Variants in PPP2R1B observed in about 807,000 individuals in gnomAD.
PPP2R1B encodes the protein protein phosphatase 2 scaffold subunit Abeta, also known as serine/threonine-protein phosphatase 2A 65 kDa regulatory subunit A beta isoform.
PPP2R1B carries 58 observed loss-of-function variants against 72.7 expected under a neutral mutation model. The observed-to-expected ratio is 0.80, with a 90% CI of 0.65 to 0.99. The LOEUF (loss-of-function observed/expected upper bound fraction) is 0.99, where lower values mean the gene tolerates loss of function less well. Among genes scored for constraint, PPP2R1B ranks in the 50% least tolerant of loss-of-function variants. The pLI, the probability that PPP2R1B is intolerant of heterozygous loss-of-function variation, is 0.00. For missense variants in PPP2R1B, 695 were observed against 733.6 expected (o/e 0.95, Z 0.61); for synonymous variants, 256 against 264.6 (o/e 0.97, Z 0.32).
chr11:111,760,852 C>G lies in PPP2R1B; in HGVS notation c.506G>C (p.Arg169Thr), dbSNP rs1945296825. 1 of 1,614,140 alleles carries G rather than the reference C, an allele frequency of 6.2e-7. No individual in the cohort carries two copies. Among genetic ancestry groups the G allele is most frequent in the Non-Finnish European group, 8.5e-7 (1 of 1,180,026 alleles). ...TTCTGCTTTAACAGCATTTGATGCC[C>G]TGGGATAGCAAACGCTGAACAAACC... is the stretch of plus-strand genomic sequence containing the variant. ...ACGLFSVCYPRASNAVKAEIR... is the reference protein window; with the variant it reads ...ACGLFSVCYPTASNAVKAEIR... The change falls in exon 4 of 15, where the codon AGG becomes ACG. Residue 169 changes from arginine to threonine, a missense_variant. Coordinates refer to ENST00000527614, the MANE Select transcript of PPP2R1B (RefSeq NM_002716.5).
At chr11:111,723,608 C>T (rs1212336762), downstream of PPP2R1B, 2 of 1,613,830 alleles carry the variant, frequency 1.2e-6, no homozygotes, top group Non-Finnish European at 1.7e-6. Context: ...GCTGCCCCTT[C>T]CCCGCCAGGA....
intron 15 of PPP2R1B, among the ~76,000 whole-genome samples, chr11:111,732,676 G>C (rs998888289): frequency 6.6e-6 from 1 of 152,182 alleles, no homozygotes; most frequent in Non-Finnish European, 1.5e-5. Context: ...GAGCGACACA[G>C]CAAGACTTCA....
intron 5 of PPP2R1B, 128 bp from the exon 6 acceptor site, chr11:111,755,578 T>C (rs1555049406): frequency 1.2e-6 from 1 of 813,342 alleles, no homozygotes; most frequent in Non-Finnish European, 1.7e-6. Flanking sequence ...TTTCACGTCT[T>C]GACATCTTTT....
chr11:111,749,391 C>G (rs1228351919), intron 10 of PPP2R1B, among the ~76,000 whole-genome samples: 1 of 152,076 alleles, frequency 6.6e-6, no homozygotes, highest in Non-Finnish European at 1.5e-5. Context: ...TCAAGCAATT[C>G]TCCTGCCTCA....
chr11:111,734,791 C>A (rs1015034032), downstream of PPP2R1B, among the ~76,000 whole-genome samples: 1 of 152,222 alleles, frequency 6.6e-6, no homozygotes, highest in Admixed American at 6.5e-5. Flanking sequence ...TCACACACTC[C>A]CAGCAGAGCT....
chr11:111,756,223 G>GA (rs201724599), intron 5 of PPP2R1B, among the ~76,000 whole-genome samples: 136,673 of 142,192 alleles, frequency 0.96, 65,676 homozygotes, highest in East Asian at 0.99. Flanking sequence ...AAACAAAAAG[G>GA]AAAAAAAAAA....
At chr11:111,688,243 G>A in the PPP2R1B span, 12 of 1,411,794 alleles carry the variant, frequency 8.5e-6, no homozygotes, top group Non-Finnish European at 7.9e-6. This position sits in a 1 kb window ranked among gnomAD's most constrained non-coding sequence, Gnocchi z 4.2. Context: ...TGCAGGCGCA[G>A]ATTCAGCAGC....
At chr11:111,688,357 C>G in the PPP2R1B span, among the ~76,000 whole-genome samples, 1 of 152,180 alleles carries the variant, frequency 6.6e-6, no homozygotes, top group Non-Finnish European at 1.5e-5. This position sits in a 1 kb window ranked among gnomAD's most constrained non-coding sequence, Gnocchi z 4.2. Context: ...TTAATATACA[C>G]AGGTCAGAGC....
chr11:111,735,026 G>A (rs1175805778), downstream of PPP2R1B, among the ~76,000 whole-genome samples: 1 of 152,258 alleles, frequency 6.6e-6, no homozygotes, highest in African/African-American at 2.4e-5. Flanking sequence ...ACAAGTCAGA[G>A]ACCCTCAGGG....
the PPP2R1B span, among the ~76,000 whole-genome samples, chr11:111,714,054 A>T: frequency 6.6e-6 from 1 of 152,216 alleles, no homozygotes; most frequent in South Asian, 2.1e-4. Context: ...CTGTTTGATC[A>T]GGAAAGTCCG....
intron 7 of PPP2R1B, among the ~76,000 whole-genome samples, 168 bp from the exon 8 acceptor site, chr11:111,754,737 T>C (rs72983269): frequency 9.8e-4 from 149 of 152,310 alleles, no homozygotes; most frequent in Non-Finnish European, 1.8e-3. Flanking sequence ...CTCTATGCCA[T>C]TGCATATCAC....
At chr11:111,756,163 C>A (rs566724256) in intron 5 of PPP2R1B, among the ~76,000 whole-genome samples, 14 of 150,302 alleles carry the variant, frequency 9.3e-5, no homozygotes, top group Non-Finnish European at 1.9e-4. Flanking sequence ...TGAGCCGAGA[C>A]TGCACCACTG....
chr11:111,723,420 C>A, downstream of PPP2R1B: 1 of 1,437,630 alleles, frequency 7.0e-7, no homozygotes, highest in Non-Finnish European at 9.4e-7. Flanking sequence ...AAGCTAGTGA[C>A]TGGTATTGCA....
the PPP2R1B span, among the ~76,000 whole-genome samples, chr11:111,704,400 G>A: frequency 6.6e-6 from 1 of 152,176 alleles, no homozygotes; most frequent in South Asian, 2.1e-4. Flanking sequence ...GAACATTTGG[G>A]AAGCAACTTT....
At chr11:111,714,673 A>G in the PPP2R1B span, among the ~76,000 whole-genome samples, 1 of 152,314 alleles carries the variant, frequency 6.6e-6, no homozygotes, top group African/African-American at 2.4e-5. Context: ...ATTTTCAGAA[A>G]TGGAGAACTA....
intron 13 of PPP2R1B, 170 bp from the exon 14 acceptor site, chr11:111,742,314 C>CG: frequency 1.5e-6 from 1 of 680,728 alleles, no homozygotes; most frequent in African/African-American, 2.0e-5. Flanking sequence ...GCAAAATCAG[C>CG]TTCAGACAAG....
chr11:111,765,194 G>A (rs1487881780), intron 2 of PPP2R1B, 100 bp downstream of exon 2: 26 of 1,233,344 alleles, frequency 2.1e-5, no homozygotes, highest in Non-Finnish European at 2.3e-5. Context: ...AAAAACACCT[G>A]GCTCATTTTA....
the PPP2R1B span, chr11:111,720,403 T>G: frequency 7.0e-7 from 1 of 1,419,128 alleles, no homozygotes; most frequent in Non-Finnish European, 9.5e-7. Context: ...AAACTCAAGC[T>G]GGTTATGCTT....
rs1944472491 is a variant in PPP2R1B, at chr11:111,740,223, G to C, written c.*1373C>G. 6 of 984,816 alleles carry C rather than the reference G, an allele frequency of 6.1e-6. No homozygotes were observed. In the South Asian group the frequency reaches 2.8e-4, roughly 46 times the overall value. The allele number at this position is 984,816 out of a possible 1,614,324, so 61.0% of individuals were successfully genotyped here. A position where few individuals can be genotyped will look rare whatever the true frequency, so the allele number is the denominator to read the frequency against. On this transcript the variant is annotated 3_prime_UTR_variant, in exon 15 of 15. Transcript: ENST00000527614. ...GGTGAGTTTGATTATGTGAAAAATA[G>C]TTGTTTTTTTTTGAGATGGACTCTC...
Sources: gnomAD v4.1 joint callset for allele counts (sites outside exome capture counted in the v4.1 genomes callset) on GRCh38, gnomAD v4.1.1 for gene constraint, Gnocchi (gnomAD v3.1) non-coding constraint, MANE v1.5 for transcripts, NCBI Gene and HGNC (gene_info 2026-07-23, HGNC 2026-07-21) for gene names.